TLE1: variants seen among roughly 807,000 people sequenced by gnomAD.
The protein encoded by TLE1 is TLE family member 1, transcriptional corepressor.
A neutral mutation model predicts 89.8 loss-of-function variants in TLE1; 21 were observed. The ratio of observed to expected loss-of-function variants is 0.23; its 90% CI spans 0.17 to 0.34. The LOEUF is 0.34. Among genes scored for constraint, TLE1 ranks in the 10% least tolerant of loss-of-function variants. The pLI, the probability that TLE1 is intolerant of heterozygous loss-of-function variation, is 1.00. For synonymous variants in TLE1, 447 were observed against 407.6 expected, an observed-to-expected ratio of 1.10 and a Z score of -1.16; for missense variants, 795 against 1,031.2, an observed-to-expected ratio of 0.77 and a Z score of 3.14.
intron 4 of TLE1, among the ~76,000 whole-genome samples, chr9:81,675,108 C>A (rs1263863218): frequency 1.3e-5 from 2 of 152,168 alleles, no homozygotes; most frequent in Non-Finnish European, 2.9e-5. Flanking sequence ...CAAGTCCTTC[C>A]AAATTCCCCA....
chr9:81,643,864 A>T (rs2132501529), intron 6 of TLE1, among the ~76,000 whole-genome samples: 1 of 152,046 alleles, frequency 6.6e-6, no homozygotes, highest in Non-Finnish European at 1.5e-5. Context: ...ATTTCAGCTA[A>T]TCCACATAGG....
chr9:81,671,210 G>A (rs1285846420), intron 4 of TLE1, among the ~76,000 whole-genome samples: 1 of 151,768 alleles, frequency 6.6e-6, no homozygotes, highest in East Asian at 2.0e-4. Context: ...TTAACAACCA[G>A]TTCAAAACTA....
intron 8 of TLE1, among the ~76,000 whole-genome samples, chr9:81,633,118 C>T (rs1388686191): frequency 1.3e-5 from 2 of 152,108 alleles, no homozygotes; most frequent in Admixed American, 1.3e-4. Flanking sequence ...TTATGCCTCT[C>T]TTGTCTGATG....
chr9:81,674,926 G>A (rs1832696817), intron 4 of TLE1, among the ~76,000 whole-genome samples: 1 of 152,016 alleles, frequency 6.6e-6, no homozygotes, highest in Non-Finnish European at 1.5e-5. Flanking sequence ...AGGCTGAGGT[G>A]GGAGGATCAC....
At chr9:81,630,984 C>A (rs1365030574) in intron 8 of TLE1, among the ~76,000 whole-genome samples, 2 of 152,270 alleles carry the variant, frequency 1.3e-5, no homozygotes, top group African/African-American at 4.8e-5. Flanking sequence ...CATTGCCCAA[C>A]AGTTTTCTGC....
In TLE1 at chr9:81,654,054, C is replaced by G; in HGVS notation, c.235-18G>C. The G allele has an allele frequency of 6.2e-7, 1 of 1,613,370 alleles. No homozygotes were observed. The highest frequency in any genetic ancestry group is 8.5e-7 in the Non-Finnish European group (1 of 1,179,584). On this transcript the variant is annotated intron_variant, in intron 4 of 19. Transcript: ENST00000376499. ...ATTTCAGTCTATAAAGACAAAGCCA[C>G]ACAAATGTTTAGAATACTTCACAAT...
intron 6 of TLE1, among the ~76,000 whole-genome samples, chr9:81,649,831 A>G (rs1588120241): frequency 6.6e-6 from 1 of 152,192 alleles, no homozygotes; most frequent in Admixed American, 6.5e-5. Context: ...TTGTCAACCC[A>G]ATTTTATGCT....
At chr9:81,638,876 C>T (rs555112722) in intron 6 of TLE1, among the ~76,000 whole-genome samples, 21 of 152,202 alleles carry the variant, frequency 1.4e-4, no homozygotes, top group African/African-American at 4.3e-4. Context: ...CCTCCCACTC[C>T]GGCCTCCCAA....
At chr9:81,674,892 C>T (rs983929974) in intron 4 of TLE1, among the ~76,000 whole-genome samples, 1 of 152,150 alleles carries the variant, frequency 6.6e-6, no homozygotes, top group African/African-American at 2.4e-5. Flanking sequence ...TGGTGGCTCA[C>T]ACCTGTAATC....
chr9:81,624,437 T>C (rs1825670951), intron 8 of TLE1, among the ~76,000 whole-genome samples: 1 of 152,188 alleles, frequency 6.6e-6, no homozygotes, highest in African/African-American at 2.4e-5. Flanking sequence ...TACAGACCTA[T>C]TTGCCACTGC....
At chr9:81,664,729 G>A (rs1295225341) in intron 4 of TLE1, among the ~76,000 whole-genome samples, 4 of 152,054 alleles carry the variant, frequency 2.6e-5, no homozygotes, top group African/African-American at 9.7e-5. Context: ...AATAAGTGAG[G>A]TACCTTTAAG....
intron 4 of TLE1, among the ~76,000 whole-genome samples, chr9:81,671,185 A>T (rs534460534): frequency 2.0e-5 from 3 of 152,046 alleles, no homozygotes; most frequent in Non-Finnish European, 4.4e-5. Context: ...AAAAGAAACA[A>T]GGATGAATAC....
At chr9:81,648,473 T>C (rs1829144263) in intron 6 of TLE1, among the ~76,000 whole-genome samples, 1 of 152,200 alleles carries the variant, frequency 6.6e-6, no homozygotes. Flanking sequence ...AAGCTGTGCA[T>C]TTCACTATAT....
chr9:81,660,399 TTTTA>T (rs1830623008), intron 4 of TLE1, among the ~76,000 whole-genome samples: 3 of 151,146 alleles, frequency 2.0e-5, no homozygotes, highest in Non-Finnish European at 3.0e-5. Flanking sequence ...ACATGTATGG[TTTTA>T]TTTTTTTATT....
intron 12 of TLE1, 92 bp from the exon 13 acceptor site, chr9:81,612,051 C>A (rs1823783924): frequency 9.7e-7 from 1 of 1,036,012 alleles, no homozygotes; most frequent in Non-Finnish European, 1.3e-6. Context: ...TAGTGTCACT[C>A]ATGGGGAGAG....
intron 8 of TLE1, among the ~76,000 whole-genome samples, chr9:81,627,548 G>C (rs775600326): frequency 3.9e-5 from 6 of 152,116 alleles, no homozygotes; most frequent in Non-Finnish European, 7.4e-5. Flanking sequence ...TCTCAAAGAA[G>C]AACCATTTTT....
intron 14 of TLE1, chr9:81,600,075 C>T (rs539878194): frequency 5.4e-6 from 4 of 737,038 alleles, no homozygotes; most frequent in South Asian, 4.4e-5. Context: ...ATCAATTACA[C>T]GTTTCCAAAC....
At chr9:81,638,850 C>T (rs950886159) in intron 6 of TLE1, among the ~76,000 whole-genome samples, 1 of 152,102 alleles carries the variant, frequency 6.6e-6, no homozygotes, top group African/African-American at 2.4e-5. Flanking sequence ...GTCTGCAACT[C>T]CTGACCTCAA....
Position 81,590,796 on chromosome 9 carries a change from T to C in TLE1, c.1829+9A>G, listed in dbSNP as rs1367248894. 1 of 1,611,570 alleles carries C rather than the reference T, an allele frequency of 6.2e-7. No homozygotes were observed. Among genetic ancestry groups the C allele is most frequent in the Admixed American group, 1.7e-5 (1 of 59,982 alleles). ...GCGAACCCCTCCTTAGACGACCATCTTTGCTCACCTCACTAGTGTCTGGTT... is the reference window on the plus strand; with the variant it reads ...GCGAACCCCTCCTTAGACGACCATCCTTGCTCACCTCACTAGTGTCTGGTT... On this transcript the variant is annotated intron_variant, in intron 16 of 19. Transcript: ENST00000376499.
Sources: allele counts gnomAD v4.1 joint callset (sites outside exome capture counted in the v4.1 genomes callset), GRCh38; gene constraint gnomAD v4.1.1; transcripts MANE v1.5; gene names NCBI Gene and HGNC (gene_info 2026-07-23, HGNC 2026-07-21).